EDA: variants seen among roughly 807,000 people sequenced by gnomAD.
EDA encodes the protein ectodysplasin A, also known as ectodysplasin-A.
In EDA, 2 loss-of-function variants were observed where a neutral mutation model predicts 23.6. The observed-to-expected ratio is 0.08, with a 90% CI of 0.03 to 0.27. EDA has a LOEUF of 0.27. Among genes scored for constraint, EDA ranks in the 10% least tolerant of loss-of-function variants. The probability of loss-of-function intolerance (pLI) is 1.00; values close to 1 mark genes in which losing one functional copy is unlikely to be tolerated. For missense variants in EDA, 229 were observed against 324.2 expected (o/e 0.71, Z 2.26); for synonymous variants, 131 against 132.0 (o/e 0.99, Z 0.05).
chrX:69,843,705 T>C (rs757262836), intron 1 of EDA, among the ~76,000 whole-genome samples: 7 of 111,124 alleles, frequency 6.3e-5, no homozygotes, highest in Admixed American at 3.8e-4. Context: ...TAAAAAGCCA[T>C]ATATATGGGA....
At chrX:69,698,657 A>G (rs978472390) in intron 1 of EDA, among the ~76,000 whole-genome samples, 17 of 111,245 alleles carry the variant, frequency 1.5e-4, no homozygotes, top group African/African-American at 2.6e-4. Context: ...AGGGCAAAAG[A>G]GAGATTTTTT....
intron 1 of EDA, among the ~76,000 whole-genome samples, chrX:69,644,294 T>G (rs780907515): frequency 6.3e-5 from 7 of 110,961 alleles, no homozygotes; most frequent in Non-Finnish European, 1.3e-4. Context: ...AGCAGTGGTC[T>G]GTAGTTCTTC....
At chrX:70,007,110 A>G (rs767249799) in intron 2 of EDA, among the ~76,000 whole-genome samples, 29 of 112,221 alleles carry the variant, frequency 2.6e-4, no homozygotes, top group Non-Finnish European at 4.7e-4. Context: ...GGTATTTCAC[A>G]AATACCACTG....
At chrX:69,868,108 A>G (rs892308564) in intron 1 of EDA, among the ~76,000 whole-genome samples, 1 of 111,479 alleles carries the variant, frequency 9.0e-6, no homozygotes, top group Non-Finnish European at 1.9e-5. Context: ...ATTGTGATTC[A>G]CCTGTGAGAG....
intron 1 of EDA, among the ~76,000 whole-genome samples, chrX:69,889,349 C>T (rs1314461695): frequency 9.1e-6 from 1 of 109,795 alleles, no homozygotes; most frequent in East Asian, 2.9e-4. Flanking sequence ...AGGGTCTTAC[C>T]ATGTGGCCCA....
intron 1 of EDA, among the ~76,000 whole-genome samples, chrX:69,766,611 G>A (rs2804394): frequency 0.32 from 35,224 of 111,099 alleles, 4,882 homozygotes; most frequent in Middle Eastern, 0.56. Flanking sequence ...GTTCCTGCAG[G>A]AGGCATGGTC....
intron 1 of EDA, among the ~76,000 whole-genome samples, chrX:69,818,666 G>C (rs1050582918): frequency 7.0e-4 from 78 of 111,297 alleles, no homozygotes; most frequent in African/African-American, 2.3e-3. Context: ...GACTGAACCA[G>C]GAAGAAATTG....
At chrX:69,701,831 C>A (rs1183462133) in intron 1 of EDA, among the ~76,000 whole-genome samples, 1 of 111,449 alleles carries the variant, frequency 9.0e-6, no homozygotes, top group Admixed American at 9.5e-5. Flanking sequence ...ATCATGTGGT[C>A]TCGATGGCAG....
intron 1 of EDA, among the ~76,000 whole-genome samples, chrX:69,658,909 A>G (rs1011827309): frequency 9.0e-6 from 1 of 111,599 alleles, no homozygotes; most frequent in Admixed American, 9.6e-5. Context: ...AACATTGTAT[A>G]AGCATTTGTC....
At chrX:69,856,370 G>A (rs2017253972) in intron 1 of EDA, among the ~76,000 whole-genome samples, 1 of 106,057 alleles carries the variant, frequency 9.4e-6, no homozygotes, top group African/African-American at 3.5e-5. Flanking sequence ...TTTCCTCGAG[G>A]TAGATACCCA....
rs1365343288 is a variant in EDA at position 70,027,927 on chromosome X, C to T, written c.597C>T (p.Pro199=). The change falls in exon 4 of 8, where the codon CCC becomes CCT. Residue 199 remains proline, a synonymous_variant. Transcript: ENST00000374552. ...GPPGPPGPQG[P]PGIPGIPGIP... Reference sequence around the variant, plus strand: ...CAGGACCTCCAGGACCCCAGGGACCCCCAGGAATTCCAGGGATTCCTGGAA... The same window carrying T: ...CAGGACCTCCAGGACCCCAGGGACCTCCAGGAATTCCAGGGATTCCTGGAA... The T allele has an allele frequency of 8.5e-7, 1 of 1,179,640 alleles. No individual in the cohort carries two copies.
chrX:69,942,510 T>G (rs1052874190), intron 1 of EDA, among the ~76,000 whole-genome samples: 2 of 111,294 alleles, frequency 1.8e-5, no homozygotes, highest in Admixed American at 1.9e-4. Flanking sequence ...TTTAAATATG[T>G]CATGCCACTC....
intron 2 of EDA, among the ~76,000 whole-genome samples, chrX:69,978,502 CAAAAAAAAA>C (rs1223244079): frequency 6.4e-5 from 3 of 46,963 alleles, no homozygotes; most frequent in Non-Finnish European, 1.1e-4. Context: ...GAATCTGTCT[CAAAAAAAAA>C]AAAAAAAAAG....
intron 1 of EDA, among the ~76,000 whole-genome samples, chrX:69,851,240 T>C (rs1012420227): frequency 9.0e-6 from 1 of 111,009 alleles, no homozygotes; most frequent in African/African-American, 3.3e-5. Flanking sequence ...ATCTTTTGAA[T>C]GTTGGCACTC....
chrX:70,024,478 G>T (rs909905989), intron 3 of EDA, among the ~76,000 whole-genome samples: 4 of 112,571 alleles, frequency 3.6e-5, no homozygotes, highest in African/African-American at 9.7e-5. Flanking sequence ...TAAGAAAGTA[G>T]ATTTGATTTT....
chrX:69,783,569 A>G (rs1479812885), intron 1 of EDA, among the ~76,000 whole-genome samples: 113 of 110,276 alleles, frequency 1.0e-3, no homozygotes, highest in Non-Finnish European at 1.7e-3. Flanking sequence ...TAGTTTACTG[A>G]GAATGATGAT....
At chrX:69,945,856 T>A (rs778826515) in intron 1 of EDA, among the ~76,000 whole-genome samples, 35 of 111,781 alleles carry the variant, frequency 3.1e-4, no homozygotes, top group African/African-American at 1.1e-3. Context: ...TTGAAAAAAA[T>A]TGTCTCTCAA....
intron 1 of EDA, among the ~76,000 whole-genome samples, chrX:69,910,137 C>T (rs2018237683): frequency 9.1e-6 from 1 of 110,181 alleles, no homozygotes; most frequent in Admixed American, 9.8e-5. Context: ...GATGGAATTA[C>T]TCATAGATTT....
At chrX:69,675,369 C>T (rs1447412248) in intron 1 of EDA, among the ~76,000 whole-genome samples, 2 of 111,782 alleles carry the variant, frequency 1.8e-5, no homozygotes, top group Non-Finnish European at 3.8e-5. Flanking sequence ...TTCTTGATCT[C>T]CCATTAGTGT....
Sources: gnomAD v4.1 joint callset for allele counts (sites outside exome capture counted in the v4.1 genomes callset) on GRCh38, gnomAD v4.1.1 for gene constraint, MANE v1.5 for transcripts, NCBI Gene and HGNC (gene_info 2026-07-23, HGNC 2026-07-21) for gene names.